The following ORC5 variants were observed in gnomAD, a reference collection of about 807,000 sequenced individuals.
The protein encoded by ORC5 is origin recognition complex subunit 5, also known as protein phosphatase 1, regulatory subunit 117.
In ORC5, 39 loss-of-function variants were observed where a neutral mutation model predicts 58.8. The ratio of observed to expected loss-of-function variants is 0.66; its 90% CI spans 0.51 to 0.87. The LOEUF (loss-of-function observed/expected upper bound fraction) is 0.87. Ranked by LOEUF, ORC5 falls within the 40% of genes least tolerant of loss-of-function variation. The probability of loss-of-function intolerance (pLI) is 0.00; values close to 1 mark genes in which losing one functional copy is unlikely to be tolerated. For missense variants in ORC5, 493 were observed against 506.3 expected (o/e 0.97, Z 0.25); for synonymous variants, 218 against 177.6 (o/e 1.23, Z -1.81).
At chr7:104,169,377 CA>C (rs1376445449) in intron 8 of ORC5, among the ~76,000 whole-genome samples, 2 of 152,000 alleles carry the variant, frequency 1.3e-5, no homozygotes, top group Non-Finnish European at 2.9e-5. Flanking sequence ...GTTAAACAAC[CA>C]AAACACTATT....
chr7:104,177,200 G>A (rs769895837), intron 8 of ORC5, among the ~76,000 whole-genome samples: 1 of 152,114 alleles, frequency 6.6e-6, no homozygotes, highest in Non-Finnish European at 1.5e-5. Flanking sequence ...ATGAATGTAG[G>A]TGGCATAAAC....
At chr7:104,184,825 C>T (rs529594440) in intron 6 of ORC5, among the ~76,000 whole-genome samples, 1 of 152,142 alleles carries the variant, frequency 6.6e-6, no homozygotes, top group East Asian at 1.9e-4. Flanking sequence ...GGGTCTGACA[C>T]CTTTGAAGGT....
chr7:104,134,310 G>A (rs1798556089), intron 13 of ORC5, among the ~76,000 whole-genome samples: 2 of 151,160 alleles, frequency 1.3e-5, no homozygotes, highest in African/African-American at 4.9e-5. Context: ...AGCCACACAG[G>A]AGGCTGAAGC....
intron 8 of ORC5, among the ~76,000 whole-genome samples, chr7:104,172,640 T>C (rs1162534879): frequency 6.6e-6 from 1 of 152,228 alleles, no homozygotes; most frequent in African/African-American, 2.4e-5. Flanking sequence ...TAATCTAATA[T>C]CTATAAGACA....
intron 8 of ORC5, among the ~76,000 whole-genome samples, chr7:104,177,876 C>T (rs752123118): frequency 1.3e-5 from 2 of 152,178 alleles, no homozygotes; most frequent in Non-Finnish European, 2.9e-5. Context: ...CCAGCTTCAC[C>T]TATGTCCCTG....
In ORC5 at chr7:104,201,626, T is replaced by C. The variant is rs1799944866; in HGVS notation, c.166-668A>G. Among the ~76,000 whole-genome samples, 4 of 127,718 alleles carry C rather than the reference T, an allele frequency of 3.1e-5. No individual in the cohort carries two copies. The East Asian group carries it at 8.4e-4, about 27-fold the overall frequency. 83.8% of individuals were successfully genotyped at this position (127,718 alleles called of 152,430 possible). On this transcript the variant is annotated intron_variant, in intron 2 of 13. Coordinates refer to ENST00000297431, the MANE Select transcript of ORC5 (RefSeq NM_002553.4). The stretch of plus-strand genomic sequence containing the variant: ...GCAACATAGCGAGACCCTGTCACTA[T>C]TAAAAAAAAAAAAAAAAGAAAAGAA...
intron 12 of ORC5, among the ~76,000 whole-genome samples, chr7:104,144,038 G>A (rs568004577): frequency 6.6e-6 from 1 of 152,182 alleles, no homozygotes; most frequent in Non-Finnish European, 1.5e-5. Flanking sequence ...AGAATTGCTT[G>A]AACCCAGGGG....
chr7:104,174,659 C>T (rs761890119), intron 8 of ORC5, among the ~76,000 whole-genome samples: 6 of 152,154 alleles, frequency 3.9e-5, no homozygotes, highest in Non-Finnish European at 1.5e-5. Context: ...CACCATGCAA[C>T]GGCAGTCTCC....
chr7:104,182,299 T>C (rs137918462), intron 8 of ORC5, among the ~76,000 whole-genome samples: 241 of 152,320 alleles, frequency 1.6e-3, no homozygotes, highest in East Asian at 7.7e-3. Context: ...AGTTTCATGA[T>C]AGAAACAGTT....
chr7:104,177,885 T>C (rs564883639), intron 8 of ORC5, among the ~76,000 whole-genome samples: 28 of 152,346 alleles, frequency 1.8e-4, no homozygotes, highest in Middle Eastern at 3.4e-3. Flanking sequence ...CCTATGTCCC[T>C]GCAAAGGACA....
chr7:104,173,643 A>G (rs549707322), intron 8 of ORC5, among the ~76,000 whole-genome samples: 4 of 152,198 alleles, frequency 2.6e-5, no homozygotes, highest in Non-Finnish European at 4.4e-5. Context: ...AGGGCCTTGC[A>G]ATCCTCTTGG....
intron 10 of ORC5, among the ~76,000 whole-genome samples, chr7:104,166,317 G>A (rs1214576398): frequency 6.6e-6 from 1 of 151,788 alleles, no homozygotes; most frequent in Non-Finnish European, 1.5e-5. Flanking sequence ...TGAGGAAAGA[G>A]GAAAAAGGAA....
rs10672012 is a variant in ORC5, at chr7:104,205,086, C to CTTTTTTTTTTT, written c.73-863_73-853dup. Among the ~76,000 whole-genome samples, 249 of 99,424 alleles carry CTTTTTTTTTTT rather than the reference C, an allele frequency of 2.5e-3. 4 individuals are homozygous for CTTTTTTTTTTT. Among genetic ancestry groups the CTTTTTTTTTTT allele is most frequent in the African/African-American group, 3.7e-3 (100 of 26,908 alleles). The allele number at this position is 99,424 out of a possible 152,430, so 65.2% of individuals were successfully genotyped here. ...GAAAACTTGATTTTTTAATAATACT[C>CTTTTTTTTTTT]TTTTTTTTTTTTTTTTTTTTTGAGA... On this transcript the variant is annotated intron_variant, in intron 1 of 13. Coordinates refer to ENST00000297431, the MANE Select transcript of ORC5 (RefSeq NM_002553.4).
chr7:104,168,261 A>G, intron 9 of ORC5: 1 of 1,128,516 alleles, frequency 8.9e-7, no homozygotes, highest in South Asian at 3.5e-5. Flanking sequence ...TTTAGAAAAT[A>G]GAAAGCTGGT....
intron 13 of ORC5, among the ~76,000 whole-genome samples, chr7:104,131,664 C>A (rs1255914736): frequency 1.3e-5 from 2 of 151,980 alleles, no homozygotes; most frequent in African/African-American, 2.4e-5. Context: ...CAAGCCTGGC[C>A]AACATGGCAA....
At chr7:104,150,993 T>C (rs1157374044) in intron 12 of ORC5, among the ~76,000 whole-genome samples, 2 of 152,126 alleles carry the variant, frequency 1.3e-5, no homozygotes, top group African/African-American at 4.8e-5. Context: ...TGGACCATGA[T>C]GCGTAAAAAG....
intron 8 of ORC5, among the ~76,000 whole-genome samples, chr7:104,179,338 G>T (rs954040859): frequency 2.0e-5 from 3 of 152,146 alleles, no homozygotes; most frequent in Non-Finnish European, 2.9e-5. Flanking sequence ...AATAACTAAA[G>T]ATCTAAGCAT....
chr7:104,153,190 C>G (rs1307889862), intron 12 of ORC5, among the ~76,000 whole-genome samples: 2 of 152,144 alleles, frequency 1.3e-5, no homozygotes, highest in Non-Finnish European at 1.5e-5. Flanking sequence ...CATAGGTTAA[C>G]TTTACTCTTT....
chr7:104,157,237 T>C (rs1798941767), intron 12 of ORC5, among the ~76,000 whole-genome samples: 1 of 151,970 alleles, frequency 6.6e-6, no homozygotes, highest in Non-Finnish European at 1.5e-5. Context: ...TATATGTTAT[T>C]AGATTTTCTT....
Sources: allele counts gnomAD v4.1 joint callset (sites outside exome capture counted in the v4.1 genomes callset), GRCh38; gene constraint gnomAD v4.1.1; transcripts MANE v1.5; gene names NCBI Gene and HGNC (gene_info 2026-07-23, HGNC 2026-07-21).